Variants in GABRG3 observed in about 807,000 individuals in gnomAD.
The protein encoded by GABRG3 is gamma-aminobutyric acid receptor subunit gamma-3.
A neutral mutation model predicts 48.8 loss-of-function variants in GABRG3; 25 were observed. The ratio of observed to expected loss-of-function variants is 0.51; its 90% CI spans 0.37 to 0.72. The LOEUF is 0.72. GABRG3 is among the 30% of genes least tolerant of loss of function. GABRG3 has a pLI of 0.00. For synonymous variants in GABRG3, 227 were observed against 217.6 expected, an observed-to-expected ratio of 1.04 and a Z score of -0.38; for missense variants, 394 against 577.9, an observed-to-expected ratio of 0.68 and a Z score of 3.26.
At chr15:27,087,862 G>GTGGGGTGTGTGTGGTGTGCTA (rs1415609911) in intron 3 of GABRG3, among the ~76,000 whole-genome samples, 4 of 150,740 alleles carry the variant, frequency 2.7e-5, no homozygotes, top group Non-Finnish European at 5.9e-5. Flanking sequence ...GTAATGTGCT[G>GTGGGGTGTGTGTGGTGTGCTA]TGGGGTGTGT....
chr15:27,458,980 G>A (rs538947149), intron 5 of GABRG3, among the ~76,000 whole-genome samples: 1 of 152,286 alleles, frequency 6.6e-6, no homozygotes, highest in South Asian at 2.1e-4. Flanking sequence ...ATCCTCTGCA[G>A]GCATCATTGC....
At chr15:27,232,979 G>A (rs1889846523) in intron 3 of GABRG3, among the ~76,000 whole-genome samples, 1 of 152,208 alleles carries the variant, frequency 6.6e-6, no homozygotes, top group Non-Finnish European at 1.5e-5. Context: ...ACAGCCAGAA[G>A]CCGGTAGGCT....
chr15:27,103,925 T>C (rs184964760), intron 3 of GABRG3, among the ~76,000 whole-genome samples: 121 of 152,350 alleles, frequency 7.9e-4, no homozygotes, highest in African/African-American at 2.7e-3. Context: ...TTTTGACATA[T>C]CTGTTTCCCA....
chr15:27,532,269 T>C (rs1306634083), intron 9 of GABRG3, among the ~76,000 whole-genome samples: 1 of 152,122 alleles, frequency 6.6e-6, no homozygotes, highest in African/African-American at 2.4e-5. Flanking sequence ...CAATTTTCCT[T>C]GCATTAGAAT....
chr15:27,211,867 G>T (rs1036867228), intron 3 of GABRG3, among the ~76,000 whole-genome samples: 44 of 152,130 alleles, frequency 2.9e-4, no homozygotes, highest in African/African-American at 1.0e-3. Context: ...CTAGAGGATG[G>T]AACCACATCT....
intron 3 of GABRG3, among the ~76,000 whole-genome samples, chr15:27,185,548 G>T (rs1483369446): frequency 6.6e-6 from 1 of 152,114 alleles, no homozygotes; most frequent in Non-Finnish European, 1.5e-5. Context: ...TGTCAATTAG[G>T]TTCCATTGGT....
intron 2 of GABRG3, among the ~76,000 whole-genome samples, chr15:27,003,772 G>T (rs2140659024): frequency 6.6e-6 from 1 of 152,000 alleles, no homozygotes; most frequent in Admixed American, 6.5e-5. Context: ...CCTGGCAGAG[G>T]GGCTCCTCAC....
intron 3 of GABRG3, among the ~76,000 whole-genome samples, chr15:27,104,442 G>A (rs970760225): frequency 1.3e-5 from 2 of 152,154 alleles, no homozygotes; most frequent in Non-Finnish European, 2.9e-5. Context: ...AAAAATTTGT[G>A]TTTGTTTATT....
At chr15:27,347,318 AT>A (rs1192727166) in intron 5 of GABRG3, among the ~76,000 whole-genome samples, 1 of 152,136 alleles carries the variant, frequency 6.6e-6, no homozygotes, top group Non-Finnish European at 1.5e-5. Flanking sequence ...GTAATCTTAC[AT>A]TTGCACTCTG....
rs115331911 is a variant in GABRG3, at chr15:27,247,540, C to T, written c.271-79269C>T. ...GAGAGATCTTCTCAAAATTCTACCC[C>T]AACTCTACCAGGAAAGGAAAGGCTG... On this transcript the variant is annotated intron_variant, in intron 3 of 9. Coordinates refer to ENST00000615808, the MANE Select transcript of GABRG3 (RefSeq NM_033223.5). Among the ~76,000 whole-genome samples, 551 of 152,272 alleles carry T rather than the reference C, an allele frequency of 3.6e-3. 2 individuals carry two copies. The highest frequency in any genetic ancestry group is 0.013 in the African/African-American group (522 of 41,556).
At chr15:27,419,942 T>C (rs1272422046) in intron 5 of GABRG3, among the ~76,000 whole-genome samples, 1 of 152,246 alleles carries the variant, frequency 6.6e-6, no homozygotes, top group East Asian at 1.9e-4. Flanking sequence ...GAGACATATA[T>C]TTCAAATGTT....
At chr15:27,006,849 C>CTT (rs143057884) in intron 2 of GABRG3, among the ~76,000 whole-genome samples, 10 of 148,186 alleles carry the variant, frequency 6.7e-5, no homozygotes, top group African/African-American at 1.0e-4. Context: ...TTTTTTTTTT[C>CTT]TTTTTTTTGA....
intron 3 of GABRG3, among the ~76,000 whole-genome samples, chr15:27,295,481 T>C (rs1404879204): frequency 6.6e-6 from 1 of 152,172 alleles, no homozygotes; most frequent in Non-Finnish European, 1.5e-5. Flanking sequence ...CCACAAGGGC[T>C]GGACAAACTG....
intron 3 of GABRG3, among the ~76,000 whole-genome samples, chr15:27,271,362 T>G (rs1451768703): frequency 6.6e-6 from 1 of 152,224 alleles, no homozygotes; most frequent in Non-Finnish European, 1.5e-5. Context: ...CCACCCGCAC[T>G]CTGTCCTCCT....
chr15:27,051,558 G>C (rs989222472), intron 3 of GABRG3, among the ~76,000 whole-genome samples: 2 of 152,138 alleles, frequency 1.3e-5, no homozygotes, highest in African/African-American at 2.4e-5. Context: ...CTTTATAAAA[G>C]GGACCTCAGA....
At chr15:27,245,474 T>C (rs1890241521) in intron 3 of GABRG3, among the ~76,000 whole-genome samples, 1 of 152,200 alleles carries the variant, frequency 6.6e-6, no homozygotes, top group South Asian at 2.1e-4. Flanking sequence ...AGCTAAAAAT[T>C]AGATTTTGCT....
intron 3 of GABRG3, among the ~76,000 whole-genome samples, chr15:27,141,542 C>G (rs748908895): frequency 3.9e-5 from 6 of 152,148 alleles, no homozygotes; most frequent in African/African-American, 1.4e-4. Flanking sequence ...TATTCATAAG[C>G]AAAGAAAAAT....
intron 3 of GABRG3, among the ~76,000 whole-genome samples, chr15:27,146,432 G>T (rs1315512789): frequency 1.3e-5 from 2 of 152,170 alleles, no homozygotes; most frequent in Admixed American, 6.5e-5. Context: ...ACTCCAGCCT[G>T]CGTGACACGG....
intron 3 of GABRG3, among the ~76,000 whole-genome samples, chr15:27,186,659 C>A (rs1888107709): frequency 1.3e-5 from 2 of 152,128 alleles, no homozygotes. Flanking sequence ...TGCAGCCTTG[C>A]CAACATCTCT....
Sources: allele counts gnomAD v4.1 joint callset (sites outside exome capture counted in the v4.1 genomes callset), GRCh38; gene constraint gnomAD v4.1.1; transcripts MANE v1.5; gene names NCBI Gene and HGNC (gene_info 2026-07-23, HGNC 2026-07-21).